PARD3B: variants seen among roughly 807,000 people sequenced by gnomAD.
PARD3B encodes the protein par-3 family cell polarity regulator beta, also known as partitioning defective 3 homolog B.
Under a neutral mutation model 130.2 loss-of-function variants are expected in PARD3B, and 103 were observed. The ratio of observed to expected loss-of-function variants is 0.79; its 90% CI spans 0.67 to 0.93. PARD3B has a LOEUF of 0.93. PARD3B is among the 40% of genes least tolerant of loss of function. The pLI, the probability that PARD3B is intolerant of heterozygous loss-of-function variation, is 0.00. For missense variants in PARD3B, 1,609 were observed against 1,499.2 expected (o/e 1.07, Z -1.21); for synonymous variants, 583 against 553.2 (o/e 1.05, Z -0.76).
intron 15 of PARD3B, among the ~76,000 whole-genome samples, chr2:205,242,538 T>C (rs1381371864): frequency 6.6e-6 from 1 of 152,198 alleles, no homozygotes; most frequent in Non-Finnish European, 1.5e-5. Flanking sequence ...AGGAGCCAGG[T>C]AAATTGCTAG....
intron 11 of PARD3B, among the ~76,000 whole-genome samples, chr2:205,161,210 T>C (rs975166945): frequency 2.0e-5 from 3 of 152,198 alleles, no homozygotes; most frequent in East Asian, 3.9e-4. Context: ...AGGTTTAATA[T>C]GTATATCCAT....
At chr2:204,808,430 A>G (rs2042851044) in intron 2 of PARD3B, among the ~76,000 whole-genome samples, 1 of 152,110 alleles carries the variant, frequency 6.6e-6, no homozygotes, top group South Asian at 2.1e-4. Flanking sequence ...AGATTATTTT[A>G]TCACCTGTGT....
At chr2:204,834,019 A>G (rs1028323481) in intron 2 of PARD3B, among the ~76,000 whole-genome samples, 2 of 151,992 alleles carry the variant, frequency 1.3e-5, no homozygotes, top group African/African-American at 2.4e-5. Context: ...GAATGTTGCA[A>G]CTACTTCAAC....
intron 5 of PARD3B, among the ~76,000 whole-genome samples, chr2:205,106,476 A>T (rs1219998444): frequency 4.3e-5 from 6 of 139,214 alleles, no homozygotes; most frequent in African/African-American, 1.6e-4. Flanking sequence ...TTAGTTAAGA[A>T]ATGTATGTGT....
intron 1 of PARD3B, among the ~76,000 whole-genome samples, chr2:204,656,524 C>T (rs2125176608): frequency 6.6e-6 from 1 of 152,178 alleles, no homozygotes; most frequent in Non-Finnish European, 1.5e-5. Context: ...TAGGCCAATT[C>T]CTTATAAATT....
rs1241930215 is a variant in PARD3B, at chr2:205,616,564, G to C, written c.*751G>C. Reference sequence around the variant, plus strand: ...AGCTTCCAGAAGGAATATCTTCCGAGGACTAAGGTGATCAGGTTAAGAGGG... The same window carrying C: ...AGCTTCCAGAAGGAATATCTTCCGACGACTAAGGTGATCAGGTTAAGAGGG... On this transcript the variant is annotated 3_prime_UTR_variant, in exon 23 of 23. Transcript: ENST00000406610. 1 of 152,196 alleles carries C rather than the reference G, an allele frequency of 6.6e-6. No homozygotes were observed. The highest frequency in any genetic ancestry group is 2.4e-5 in the African/African-American group (1 of 41,444). 9.4% of individuals were successfully genotyped at this position (152,196 alleles called of 1,614,324 possible). A position where few individuals can be genotyped will look rare whatever the true frequency, so the allele number is the denominator to read the frequency against.
intron 1 of PARD3B, among the ~76,000 whole-genome samples, chr2:204,634,451 A>C (rs1352188595): frequency 6.6e-6 from 1 of 152,194 alleles, no homozygotes; most frequent in Non-Finnish European, 1.5e-5. Flanking sequence ...TTTTAAAAGA[A>C]TATTCAGTTT....
At chr2:205,252,501 G>C (rs1408398404) in intron 16 of PARD3B, among the ~76,000 whole-genome samples, 1 of 152,246 alleles carries the variant, frequency 6.6e-6, no homozygotes, top group South Asian at 2.1e-4. Context: ...TTTCAGAAAG[G>C]ATATGCTTCC....
At chr2:205,605,310 C>T (rs777880579) in intron 22 of PARD3B, among the ~76,000 whole-genome samples, 9 of 152,204 alleles carry the variant, frequency 5.9e-5, no homozygotes, top group East Asian at 1.9e-4. Context: ...AAGTTTTCAT[C>T]GTCTTTTTGT....
At chr2:205,362,495 A>G (rs2044427116) in intron 18 of PARD3B, among the ~76,000 whole-genome samples, 1 of 152,148 alleles carries the variant, frequency 6.6e-6, no homozygotes, top group Non-Finnish European at 1.5e-5. Flanking sequence ...TTCCTTGGAG[A>G]GCATCTTGAG....
At chr2:204,977,106 C>T (rs987849382) in intron 3 of PARD3B, among the ~76,000 whole-genome samples, 13 of 152,252 alleles carry the variant, frequency 8.5e-5, no homozygotes, top group Non-Finnish European at 1.8e-4. Context: ...CTTATTGAAG[C>T]CAAAACAGTA....
At chr2:204,723,009 T>G (rs892326150) in intron 2 of PARD3B, among the ~76,000 whole-genome samples, 5 of 152,178 alleles carry the variant, frequency 3.3e-5, no homozygotes, top group Non-Finnish European at 7.3e-5. Flanking sequence ...ACACTTTTGT[T>G]ATCTCTGGGA....
chr2:205,473,792 G>C lies in PARD3B; in HGVS notation c.3045-26104G>C, dbSNP rs185303958. Among the ~76,000 whole-genome samples the C allele has an allele frequency of 4.7e-4, 67 of 143,682 alleles. No homozygotes were observed. In the East Asian group the frequency reaches 0.012, roughly 26 times the overall value. The allele number at this position is 143,682 out of a possible 152,430, so 94.3% of individuals were successfully genotyped here. A position where few individuals can be genotyped will look rare whatever the true frequency, so the allele number is the denominator to read the frequency against. On this transcript the variant is annotated intron_variant, in intron 20 of 22. Coordinates refer to ENST00000406610, the MANE Select transcript of PARD3B (RefSeq NM_001302769.2). The surrounding 1 kb of genome is among the most constrained non-coding windows in gnomAD (Gnocchi z 4.9). ...TATATATTTTATATTTTTTTAACTTGCAGTTCAACCTGTTGTCTTACGAAA... is the reference window on the plus strand; with the variant it reads ...TATATATTTTATATTTTTTTAACTTCCAGTTCAACCTGTTGTCTTACGAAA...
chr2:205,610,592 T>C (rs1482074966), intron 22 of PARD3B, among the ~76,000 whole-genome samples: 3 of 152,178 alleles, frequency 2.0e-5, no homozygotes, highest in African/African-American at 7.2e-5. Flanking sequence ...AGAAATTGAA[T>C]CCCAGTGTAA....
chr2:204,928,068 A>G (rs1687765279), intron 2 of PARD3B, among the ~76,000 whole-genome samples: 1 of 152,006 alleles, frequency 6.6e-6, no homozygotes, highest in African/African-American at 2.4e-5. Flanking sequence ...GGCTGGGTTT[A>G]CTCATGTATC....
intron 5 of PARD3B, among the ~76,000 whole-genome samples, chr2:205,112,657 A>C (rs879903138): frequency 6.6e-6 from 1 of 152,014 alleles, no homozygotes; most frequent in Admixed American, 6.6e-5. Flanking sequence ...GTAATTGTTC[A>C]CAGTTATTAT....
At chr2:205,595,458 G>C (rs1474779562) in intron 22 of PARD3B, among the ~76,000 whole-genome samples, 1 of 152,050 alleles carries the variant, frequency 6.6e-6, no homozygotes, top group Admixed American at 6.5e-5. Flanking sequence ...TAAATTAGAC[G>C]ACTCATACTT....
At chr2:204,706,501 G>A (rs2038167246) in intron 2 of PARD3B, among the ~76,000 whole-genome samples, 2 of 152,090 alleles carry the variant, frequency 1.3e-5, no homozygotes, top group Admixed American at 6.5e-5. Flanking sequence ...CCAGAAAATT[G>A]GATGGGGTGT....
At chr2:205,063,951 C>T (rs779094927) in intron 4 of PARD3B, among the ~76,000 whole-genome samples, 1 of 151,856 alleles carries the variant, frequency 6.6e-6, no homozygotes, top group Non-Finnish European at 1.5e-5. Context: ...CATATCCAAA[C>T]TTTGAAGTCA....
Sources: gnomAD v4.1 joint callset for allele counts (sites outside exome capture counted in the v4.1 genomes callset) on GRCh38, gnomAD v4.1.1 for gene constraint, Gnocchi (gnomAD v3.1) non-coding constraint, MANE v1.5 for transcripts, NCBI Gene and HGNC (gene_info 2026-07-23, HGNC 2026-07-21) for gene names.